The following KCNC2 variants were observed in gnomAD, a reference collection of about 807,000 sequenced individuals.
KCNC2 encodes the protein voltage-gated potassium channel KCNC2.
A neutral mutation model predicts 44.5 loss-of-function variants in KCNC2; 21 were observed. The observed-to-expected ratio is 0.47, with a 90% confidence interval of 0.33 to 0.68. KCNC2 has a LOEUF of 0.68. KCNC2 is among the 30% of genes least tolerant of loss of function. The probability of loss-of-function intolerance (pLI) is 0.01; values close to 1 mark genes in which losing one functional copy is unlikely to be tolerated. For missense variants in KCNC2, 589 were observed against 826.2 expected, an observed-to-expected ratio of 0.71 and a Z score of 3.52; for synonymous variants, 391 against 339.1, an observed-to-expected ratio of 1.15 and a Z score of -1.68.
At chr12:75,048,606 T>C (rs1198372080) in intron 3 of KCNC2, among the ~76,000 whole-genome samples, 3 of 152,140 alleles carry the variant, frequency 2.0e-5, no homozygotes, top group Non-Finnish European at 4.4e-5. Context: ...AAAATAAATG[T>C]GAAAATGAAG....
At chr12:75,083,943 C>T (rs1046023105) in intron 2 of KCNC2, among the ~76,000 whole-genome samples, 1 of 151,490 alleles carries the variant, frequency 6.6e-6, no homozygotes, top group African/African-American at 2.4e-5. Flanking sequence ...AGTTTTATAC[C>T]CTCTGTTCTA....
chr12:75,079,584 T>G (rs1565835948), intron 2 of KCNC2, among the ~76,000 whole-genome samples: 1 of 152,136 alleles, frequency 6.6e-6, no homozygotes, highest in Non-Finnish European at 1.5e-5. Flanking sequence ...TGTTTGATCA[T>G]CATAACTGCC....
intron 4 of KCNC2, chr12:75,043,508 AT>A: frequency 7.9e-7 from 1 of 1,258,852 alleles, no homozygotes; most frequent in African/African-American, 1.5e-5. Flanking sequence ...CATTAATATA[AT>A]TTTGGCATAT....
intron 2 of KCNC2, among the ~76,000 whole-genome samples, chr12:75,067,728 T>C (rs545529013): frequency 1.3e-5 from 2 of 152,182 alleles, no homozygotes; most frequent in African/African-American, 4.8e-5. Context: ...ATGGAGAATG[T>C]GTTCAAGAGC....
At chr12:75,081,746 G>C (rs1884533440) in intron 2 of KCNC2, among the ~76,000 whole-genome samples, 1 of 151,944 alleles carries the variant, frequency 6.6e-6, no homozygotes, top group Admixed American at 6.6e-5. Context: ...CAGAAAAAAA[G>C]TCATAAATGC....
intron 2 of KCNC2, chr12:75,140,077 C>G (rs879411197): frequency 2.0e-5 from 3 of 152,146 alleles, no homozygotes; most frequent in Non-Finnish European, 4.4e-5. Context: ...GAGAGATTCC[C>G]CTAATGGTCT....
intron 2 of KCNC2, among the ~76,000 whole-genome samples, chr12:75,149,376 C>T (rs147530239): frequency 1.3e-5 from 2 of 151,914 alleles, no homozygotes; most frequent in Non-Finnish European, 2.9e-5. Flanking sequence ...TTTTAGTCTT[C>T]TGAAGACTAC....
At chr12:75,152,273 A>G (rs993770698) in intron 2 of KCNC2, among the ~76,000 whole-genome samples, 1 of 151,256 alleles carries the variant, frequency 6.6e-6, no homozygotes, top group Non-Finnish European at 1.5e-5. Context: ...TCATAGTAAA[A>G]AAAAAGAGTA....
intron 2 of KCNC2, among the ~76,000 whole-genome samples, chr12:75,191,288 A>G (rs1348940702): frequency 6.6e-6 from 1 of 151,870 alleles, no homozygotes; most frequent in African/African-American, 2.4e-5. Flanking sequence ...TAATTATCTT[A>G]GAGAAAATGA....
rs1011825149 is a variant in KCNC2, at chr12:75,051,396, T to C, written c.688-79A>G. The C allele has an allele frequency of 4.2e-5, 34 of 803,528 alleles. No individual in the cohort carries two copies. The African/African-American group carries it at 4.9e-4, about 12-fold the overall frequency. The allele number at this position is 803,528 out of a possible 1,614,324, so 49.8% of individuals were successfully genotyped here. A position where few individuals can be genotyped will look rare whatever the true frequency, so the allele number is the denominator to read the frequency against. On this transcript the variant is annotated intron_variant, in intron 2 of 4. Coordinates refer to ENST00000549446, the MANE Select transcript of KCNC2 (RefSeq NM_139137.4). ...GTTGATTCTAATCTAAAAGCAACAA[T>C]CCCTGTAAATAAAAAAGAATAACAG...
chr12:75,102,941 T>C (rs1462283459), intron 2 of KCNC2, among the ~76,000 whole-genome samples: 1 of 152,136 alleles, frequency 6.6e-6, no homozygotes, highest in African/African-American at 2.4e-5. Flanking sequence ...TCTCATATAA[T>C]ATATAAAACT....
At chr12:75,075,753 A>G (rs1235609707) in intron 2 of KCNC2, among the ~76,000 whole-genome samples, 1 of 152,002 alleles carries the variant, frequency 6.6e-6, no homozygotes, top group African/African-American at 2.4e-5. Context: ...ACTATACATC[A>G]TTACTCATGG....
chr12:75,139,100 T>G (rs1889459439), intron 2 of KCNC2, among the ~76,000 whole-genome samples: 4 of 151,576 alleles, frequency 2.6e-5, no homozygotes, highest in Admixed American at 2.6e-4. Flanking sequence ...ATTGAAGGCA[T>G]TCTAGCATGA....
chr12:75,151,809 A>G (rs914499288), intron 2 of KCNC2, among the ~76,000 whole-genome samples: 25 of 150,710 alleles, frequency 1.7e-4, no homozygotes, highest in African/African-American at 5.8e-4. Flanking sequence ...ATTTATTTTA[A>G]AGGGCAACTA....
rs1402370843 is a variant in KCNC2, at chr12:75,040,716, T to C, written c.*2389A>G. On this transcript the variant is annotated 3_prime_UTR_variant, in exon 5 of 5. Transcript: ENST00000549446. ...ACATCAGTAATTTATAAGAAAATTA[T>C]ACAATCAAGTTCATAGATTCAACCA... 6.0e-6 allele frequency: 1 copy of C among 167,398 alleles called. No individual in the cohort carries two copies. Among genetic ancestry groups the C allele is most frequent in the Non-Finnish European group, 1.3e-5 (1 of 76,840 alleles). 10.4% of individuals were successfully genotyped at this position (167,398 alleles called of 1,614,324 possible).
chr12:75,121,053 T>C (rs1363329132), intron 2 of KCNC2, among the ~76,000 whole-genome samples: 1 of 152,224 alleles, frequency 6.6e-6, no homozygotes, highest in Non-Finnish European at 1.5e-5. Context: ...TCCATGATGC[T>C]AGGACTGGCC....
intron 4 of KCNC2, among the ~76,000 whole-genome samples, chr12:75,046,882 C>A (rs1334351067): frequency 6.6e-6 from 1 of 151,592 alleles, no homozygotes; most frequent in East Asian, 1.9e-4. Flanking sequence ...GGCATAGAAG[C>A]AGAGAAGAAA....
chr12:75,129,956 A>G (rs1035745330), intron 2 of KCNC2, among the ~76,000 whole-genome samples: 4 of 152,172 alleles, frequency 2.6e-5, no homozygotes, highest in Admixed American at 2.0e-4. Flanking sequence ...GGTCCATATA[A>G]CACTACCTGA....
At chr12:75,198,927 T>C (rs1215411866) in intron 2 of KCNC2, among the ~76,000 whole-genome samples, 1 of 151,826 alleles carries the variant, frequency 6.6e-6, no homozygotes, top group Non-Finnish European at 1.5e-5. Context: ...AATATATATT[T>C]AGAGTCAATT....
Sources: gnomAD v4.1 joint callset for allele counts (sites outside exome capture counted in the v4.1 genomes callset) on GRCh38, gnomAD v4.1.1 for gene constraint, MANE v1.5 for transcripts, NCBI Gene and HGNC (gene_info 2026-07-23, HGNC 2026-07-21) for gene names.